Variants in PLXNA4 observed in about 807,000 individuals in gnomAD.
PLXNA4 encodes plexin A4.
Under a neutral mutation model 191.8 loss-of-function variants are expected in PLXNA4, and 44 were observed. The ratio of observed to expected loss-of-function variants is 0.23; its 90% CI spans 0.18 to 0.29. The LOEUF (loss-of-function observed/expected upper bound fraction) is 0.29, where lower values mean the gene tolerates loss of function less well. Among genes scored for constraint, PLXNA4 ranks in the 10% least tolerant of loss-of-function variants. The probability of loss-of-function intolerance (pLI) is 1.00; values close to 1 mark genes in which losing one functional copy is unlikely to be tolerated. For missense variants in PLXNA4, 1,800 were observed against 2,488.8 expected, an observed-to-expected ratio of 0.72 and a Z score of 5.89; for synonymous variants, 1,082 against 1,009.5, an observed-to-expected ratio of 1.07 and a Z score of -1.36.
intron 2 of PLXNA4, among the ~76,000 whole-genome samples, chr7:132,502,990 C>T (rs1282693276): frequency 6.6e-6 from 1 of 152,190 alleles, no homozygotes; most frequent in Admixed American, 6.5e-5. Flanking sequence ...CAGGTCAAGG[C>T]TTGACAGGGA....
At chr7:132,396,749 C>A (rs1374262336) in intron 3 of PLXNA4, among the ~76,000 whole-genome samples, 3 of 152,256 alleles carry the variant, frequency 2.0e-5, no homozygotes, top group East Asian at 1.9e-4. Flanking sequence ...GCCTCAGTCT[C>A]CCAGTGTGCT....
At chr7:132,490,250 T>C (rs938583301) in intron 2 of PLXNA4, among the ~76,000 whole-genome samples, 1 of 152,190 alleles carries the variant, frequency 6.6e-6, no homozygotes, top group Non-Finnish European at 1.5e-5. Flanking sequence ...GTCCCCGATA[T>C]GCTCTACAGA....
At chr7:132,526,684 G>A (rs1487870460) in intron 1 of PLXNA4, among the ~76,000 whole-genome samples, 1 of 152,208 alleles carries the variant, frequency 6.6e-6, no homozygotes, top group Non-Finnish European at 1.5e-5. Flanking sequence ...TATGGGGTAA[G>A]GCTATGCTTG....
At chr7:132,610,122 G>C (rs1803017630) in intron 2 of PLXNA4, among the ~76,000 whole-genome samples, 1 of 152,140 alleles carries the variant, frequency 6.6e-6, no homozygotes, top group Admixed American at 6.5e-5. Flanking sequence ...GCTTCACATA[G>C]CAGGGCATTT....
At chr7:132,324,225 A>G (rs534887550) in intron 3 of PLXNA4, among the ~76,000 whole-genome samples, 1 of 152,326 alleles carries the variant, frequency 6.6e-6, no homozygotes, top group South Asian at 2.1e-4. Context: ...TGAAGGGAGA[A>G]TGGGAGAGGA....
rs749633952 is a variant in PLXNA4 at position 132,164,201 on chromosome 7, C to T, written c.4441G>A (p.Ala1481Thr). The change falls in exon 24 of 32, where the codon GCC becomes ACC. Residue 1481 changes from alanine to threonine, a missense_variant. Coordinates refer to ENST00000321063, the MANE Select transcript of PLXNA4 (RefSeq NM_020911.2). The stretch of plus-strand genomic sequence containing the variant: ...TTGTCCTCGCTCAAGGAGTAGCGGG[C>T]CTCGCCCGTGATGGCGTCAATGGGG... ...KGPIDAITGE[A>T]RYSLSEDKLI... 3 of 1,614,246 alleles carry T rather than the reference C, an allele frequency of 1.9e-6. No homozygotes were observed. The highest frequency in any genetic ancestry group is 2.5e-6 in the Non-Finnish European group (3 of 1,180,054).
At chr7:132,245,817 T>C (rs757195786) in intron 4 of PLXNA4, among the ~76,000 whole-genome samples, 1 of 152,170 alleles carries the variant, frequency 6.6e-6, no homozygotes, top group Non-Finnish European at 1.5e-5. Flanking sequence ...TGATGCTAAG[T>C]GAAATAAGCC....
Position 132,632,475 on chromosome 7 carries a change from AT to A in PLXNA4, c.-87+13452del, listed in dbSNP as rs200216240. Among the ~76,000 whole-genome samples the A allele has an allele frequency of 3.8e-3, 572 of 152,238 alleles. 7 individuals carry two copies. Among genetic ancestry groups the A allele is most frequent in the East Asian group, 0.034 (174 of 5,170 alleles). On this transcript the variant is annotated intron_variant, in intron 2 of 4. Transcript: ENST00000378539. ...AGCCCAGAAGTCACACAGTGAGCAA[AT>A]GCTGGAGCTGAGTGTGAGCTTAGAT...
intron 4 of PLXNA4, among the ~76,000 whole-genome samples, chr7:132,295,683 T>C (rs1801049785): frequency 6.6e-6 from 1 of 152,132 alleles, no homozygotes; most frequent in Admixed American, 6.5e-5. Context: ...CTGCCTCCCT[T>C]GGCCTCACCT....
At chr7:132,132,029 C>T (rs532433590) in intron 31 of PLXNA4, among the ~76,000 whole-genome samples, 141 of 152,348 alleles carry the variant, frequency 9.3e-4, no homozygotes, top group Non-Finnish European at 1.6e-3. Context: ...CTCTTACTAC[C>T]GTCCACTCAG....
chr7:132,621,119 G>C (rs1585410403), intron 2 of PLXNA4, among the ~76,000 whole-genome samples: 1 of 152,056 alleles, frequency 6.6e-6, no homozygotes, highest in African/African-American at 2.4e-5. Context: ...TGAATTTTAG[G>C]GAGACAAAAG....
intron 4 of PLXNA4, among the ~76,000 whole-genome samples, chr7:132,259,482 G>GAAAAAAAAAAAAAAAAAA (rs1414792493): frequency 1.8e-5 from 2 of 111,356 alleles, no homozygotes; most frequent in African/African-American, 3.5e-5. Flanking sequence ...AAGAAAAAAG[G>GAAAAAAAAAAAAAAAAAA]AAAAAAGAAA....
chr7:132,249,822 C>G (rs566901455), intron 4 of PLXNA4, among the ~76,000 whole-genome samples: 7 of 152,202 alleles, frequency 4.6e-5, no homozygotes, highest in Admixed American at 1.3e-4. Context: ...GAAAACTTCA[C>G]AGCATTGCAG....
intron 2 of PLXNA4, among the ~76,000 whole-genome samples, chr7:132,495,266 G>T (rs1046953124): frequency 2.0e-5 from 3 of 152,158 alleles, no homozygotes; most frequent in African/African-American, 7.2e-5. Flanking sequence ...TTACAGAAAG[G>T]TCAGAACCAA....
rs191301122 is a variant in PLXNA4 at position 132,385,246 on chromosome 7, C to T, written c.1372-87024G>A. ...CAGAGTCACTGTTGCTCTGTGGGAT[C>T]GGGGTCCCGTCTGTAGCTCAAGGGT... On this transcript the variant is annotated intron_variant, in intron 3 of 31. Transcript: ENST00000321063. 78 of 1,613,954 alleles carry T rather than the reference C, an allele frequency of 4.8e-5. No homozygotes were observed. In the African/African-American group the frequency reaches 6.8e-4, roughly 14 times the overall value.
intron 3 of PLXNA4, among the ~76,000 whole-genome samples, chr7:132,448,975 C>A (rs559815848): frequency 1.0e-3 from 157 of 152,158 alleles, no homozygotes; most frequent in Non-Finnish European, 1.9e-3. Flanking sequence ...ATTAATGTTA[C>A]AACAGGTAAT....
chr7:132,140,919 C>T, intron 29 of PLXNA4, 108 bp from the exon 30 acceptor site: 1 of 1,510,156 alleles, frequency 6.6e-7, no homozygotes, highest in Non-Finnish European at 8.8e-7. Context: ...ACTAATAGAA[C>T]TTAAGAGCCT....
chr7:132,617,079 C>T (rs945480871), intron 2 of PLXNA4, among the ~76,000 whole-genome samples: 1 of 152,132 alleles, frequency 6.6e-6, no homozygotes, highest in African/African-American at 2.4e-5. Flanking sequence ...AGTGAGCAGC[C>T]ATGTTGGATT....
At chr7:132,537,002 G>A (rs185304680) in intron 1 of PLXNA4, among the ~76,000 whole-genome samples, 1 of 152,336 alleles carries the variant, frequency 6.6e-6, no homozygotes, top group Non-Finnish European at 1.5e-5. Flanking sequence ...TTAAAAGATG[G>A]CAAGGAAGCA....
Sources: allele counts gnomAD v4.1 joint callset (sites outside exome capture counted in the v4.1 genomes callset), GRCh38; gene constraint gnomAD v4.1.1; transcripts MANE v1.5; gene names NCBI Gene and HGNC (gene_info 2026-07-23, HGNC 2026-07-21).